Variants in SCRIB observed in about 807,000 individuals in gnomAD.
SCRIB encodes the protein protein scribble homolog.
In SCRIB, 72 loss-of-function variants were observed where a neutral mutation model predicts 170.0. The observed-to-expected ratio is 0.42, with a 90% confidence interval of 0.35 to 0.52. SCRIB has a LOEUF of 0.52. SCRIB is among the 20% of genes least tolerant of loss of function. SCRIB has a pLI of 0.02. For synonymous variants in SCRIB, 1,298 were observed against 1,044.3 expected (o/e 1.24, Z -4.68); for missense variants, 2,475 against 2,338.5 (o/e 1.06, Z -1.20).
intron 28 of SCRIB, 40 bp from the exon 29 acceptor site, chr8:143,793,123 G>C: frequency 8.3e-7 from 1 of 1,206,176 alleles, no homozygotes; most frequent in Non-Finnish European, 1.1e-6. Flanking sequence ...TGGGGCAGCT[G>C]TCGGGGCTGC....
In SCRIB at chr8:143,809,551, C is replaced by T. The variant is rs1383794761; in HGVS notation, c.1698G>A (p.Glu566=). Reference sequence around the variant, plus strand: ...CTGCCTCCTTCCTGCCAATCCACACCTCCTGGTAGTCCTCTTCGGCGTCTT... The same window carrying T: ...CTGCCTCCTTCCTGCCAATCCACACTTCCTGGTAGTCCTCTTCGGCGTCTT... ...GEEDAEEDYQ[E]PTVHFAEDAL... is the part of the protein sequence containing the mutation. The change falls in exon 14 of 37, where the codon GAG becomes GAA. Residue 566 remains glutamate (E), a splice_region_variant and synonymous_variant. Coordinates refer to ENST00000356994, the MANE Select transcript of SCRIB (RefSeq NM_182706.5). The T allele has an allele frequency of 4.3e-6, 7 of 1,609,344 alleles. No individual in the cohort carries two copies. Among genetic ancestry groups the T allele is most frequent in the South Asian group, 2.2e-5 (2 of 90,994 alleles).
chr8:143,802,934 G>A (rs1288818755), intron 24 of SCRIB, among the ~76,000 whole-genome samples: 2 of 152,202 alleles, frequency 1.3e-5, no homozygotes, highest in Non-Finnish European at 2.9e-5. Flanking sequence ...GCCCAGGGAT[G>A]GGCTGAGAGG....
intron 3 of SCRIB, 21 bp from the exon 4 acceptor site, chr8:143,813,747 G>A (rs1563809145): frequency 3.1e-6 from 5 of 1,612,774 alleles, no homozygotes; most frequent in South Asian, 2.2e-5. Context: ...GGAAGCAGAG[G>A]CCCTCGGATG....
chr8:143,811,993 C>T (rs544404461), intron 9 of SCRIB, among the ~76,000 whole-genome samples: 2 of 152,192 alleles, frequency 1.3e-5, no homozygotes, highest in African/African-American at 2.4e-5. Context: ...ATTCCTGCCT[C>T]TTCTGTAACC....
chr8:143,810,639 G>A (rs1202317629), intron 12 of SCRIB, 35 bp from the exon 13 acceptor site: 4 of 1,606,232 alleles, frequency 2.5e-6, no homozygotes, highest in Admixed American at 1.7e-5. Context: ...GCAGCCACAG[G>A]GCAGGGGTCA....
intron 11 of SCRIB, 43 bp from the exon 12 acceptor site, chr8:143,810,859 C>G (rs1463408291): frequency 6.2e-7 from 1 of 1,607,348 alleles, no homozygotes; most frequent in South Asian, 1.1e-5. Flanking sequence ...TCCCCAAACC[C>G]TGCCTGAGAG....
At chr8:143,807,451 A>C in intron 16 of SCRIB, 101 bp downstream of exon 16, 2 of 946,306 alleles carry the variant, frequency 2.1e-6, no homozygotes, top group Non-Finnish European at 3.5e-6. Context: ...TTTGAGAGGG[A>C]TCTGCGCTCA....
Position 143,813,537 on chromosome 8 carries a change from G to C in SCRIB, c.447-11C>G, listed in dbSNP as rs759720514. On this transcript the variant is annotated splice_polypyrimidine_tract_variant and intron_variant, in intron 4 of 36. Coordinates refer to ENST00000356994, the MANE Select transcript of SCRIB (RefSeq NM_182706.5). The stretch of plus-strand genomic sequence containing the variant: ...ACCAGGTTGGCGAGGCTGAAAGAGA[G>C]ACCAGGCGCTGGGGCAAGAGGAAGG... 1 of 1,613,126 alleles carries C rather than the reference G, an allele frequency of 6.2e-7. No individual in the cohort carries two copies. Among genetic ancestry groups the C allele is most frequent in the East Asian group, 2.2e-5 (1 of 44,892 alleles).
chr8:143,806,681 C>T (rs1465621045), intron 17 of SCRIB, among the ~76,000 whole-genome samples, 197 bp from the exon 18 acceptor site: 3 of 152,188 alleles, frequency 2.0e-5, no homozygotes, highest in East Asian at 1.9e-4. Context: ...AGAAAGGGCT[C>T]GTGGCCCCAG....
Position 143,809,584 on chromosome 8 carries a change from G to C in SCRIB, c.1665C>G (p.Gly555=). 6.2e-7 allele frequency: 1 copy of C among 1,611,322 alleles called. No homozygotes were observed. Among genetic ancestry groups the C allele is most frequent in the African/African-American group, 1.3e-5 (1 of 75,022 alleles). The change falls in exon 14 of 37, where the codon GGC becomes GGG. Residue 555 remains glycine, a synonymous_variant. Transcript: ENST00000356994. ...GGSQQEATTA[G]GEEDAEEDYQ... The stretch of plus-strand genomic sequence containing the variant: ...AGTCCTCTTCGGCGTCTTCCTCCCC[G>C]CCAGCAGTCGTGGCTTCCTGCTGGC...
chr8:143,793,764 G>A (rs1814815588), intron 28 of SCRIB, 136 bp downstream of exon 28: 1 of 801,664 alleles, frequency 1.2e-6, no homozygotes, highest in Admixed American at 2.3e-5. Context: ...CATGGTAGCA[G>A]AGGGAAAACC....
At chr8:143,806,512 G>C (rs1249453542) in intron 17 of SCRIB, 28 bp from the exon 18 acceptor site, 1 of 1,556,970 alleles carries the variant, frequency 6.4e-7, no homozygotes, top group Non-Finnish European at 8.7e-7. Flanking sequence ...GCTTGGCAGG[G>C]GCCAGGGAGA....
chr8:143,791,908 C>T lies in SCRIB; in HGVS notation c.4663G>A (p.Gly1555Ser), dbSNP rs117338714. The T allele has an allele frequency of 0.058, 87,114 of 1,499,702 alleles. 2,810 individuals carry two copies. Among genetic ancestry groups the T allele is most frequent in the Non-Finnish European group, 0.064 (72,245 of 1,124,834 alleles). 92.9% of individuals were successfully genotyped at this position (1,499,702 alleles called of 1,614,324 possible). A position where few individuals can be genotyped will look rare whatever the true frequency, so the allele number is the denominator to read the frequency against. ...CCCGGGGAGGTGCTGGTCTGGGGGC[C>T]GAGGTCTGGGGGGACAAGAAGCGGG... is the stretch of plus-strand genomic sequence containing the variant. ...TPSPTPVEDL[G>S]PQTSTSPGRL... Residue 1555 changes from glycine to serine, a missense_variant, in exon 34 of 37, where the codon GGC becomes AGC. Physicochemically the swap from Gly to Ser is moderately conservative, Grantham distance 56. This residue lies in a region of SCRIB where 1,966 missense variants were observed against 1,742.9 expected (regional missense o/e 1.13). Transcript: ENST00000356994.
rs1554632504 is a variant in SCRIB, at chr8:143,791,229, C to T, written c.4902G>A (p.Val1634=). 6.7e-7 allele frequency: 1 copy of T among 1,481,586 alleles called. No homozygotes were observed. The highest frequency in any genetic ancestry group is 2.5e-5 in the Admixed American group (1 of 39,764). The allele number at this position is 1,481,586 out of a possible 1,614,324, so 91.8% of individuals were successfully genotyped here. A position where few individuals can be genotyped will look rare whatever the true frequency, so the allele number is the denominator to read the frequency against. The change falls in exon 37 of 37, where the codon GTG becomes GTA. Residue 1634 remains valine (V), a synonymous_variant. Transcript: ENST00000356994. ...PSPGAVGPED[V]ALCSSRRPVR... ...CGGGGCGGCGGCTGCTGCACAGTGC[C>T]ACATCTTCAGGGCCCACAGCGCCGG...
rs369258030 is a variant in SCRIB, at chr8:143,811,085, C to T, written c.1107-13G>A. On this transcript the variant is annotated splice_polypyrimidine_tract_variant and intron_variant, in intron 10 of 36. Coordinates refer to ENST00000356994, the MANE Select transcript of SCRIB (RefSeq NM_182706.5). ...CAGACTCTGCAGGCTGCGGGCCGGG[C>T]GGGCACAGTCAGCAGGCGTTGGGGC... is the stretch of plus-strand genomic sequence containing the variant. The T allele has an allele frequency of 1.9e-5, 30 of 1,608,574 alleles. No individual in the cohort carries two copies. In the African/African-American group the frequency reaches 2.3e-4, roughly 12 times the overall value.
intron 21 of SCRIB, 140 bp from the exon 22 acceptor site, chr8:143,804,296 AG>A: frequency 1.4e-6 from 1 of 714,702 alleles, no homozygotes; most frequent in Non-Finnish European, 2.3e-6. Flanking sequence ...CTGCGCCACC[AG>A]TGTTCTGCTG....
At chr8:143,810,106 T>C (rs1323148768) in intron 13 of SCRIB, among the ~76,000 whole-genome samples, 2 of 151,730 alleles carry the variant, frequency 1.3e-5, no homozygotes, top group Admixed American at 1.3e-4. Context: ...ATGTCACAGC[T>C]CTGAGTGAGA....
chr8:143,809,298 A>C (rs1309778982), intron 14 of SCRIB, among the ~76,000 whole-genome samples: 4 of 151,910 alleles, frequency 2.6e-5, no homozygotes, highest in Non-Finnish European at 5.9e-5. Context: ...AAGAGAGTCC[A>C]GGGTGGGGGT....
intron 14 of SCRIB, 22 bp from the exon 15 acceptor site, chr8:143,809,047 G>A (rs200794806): frequency 6.3e-7 from 1 of 1,594,222 alleles, no homozygotes; most frequent in Middle Eastern, 2.0e-4. Flanking sequence ...AAAGGGTGAG[G>A]GTGGCCCCAG....
Sources: gnomAD v4.1 joint callset for allele counts (sites outside exome capture counted in the v4.1 genomes callset) on GRCh38, gnomAD v4.1.1 for gene constraint, gnomAD v4.1.1 regional missense constraint, MANE v1.5 for transcripts, NCBI Gene and HGNC (gene_info 2026-07-23, HGNC 2026-07-21) for gene names.